MAST2: variants seen among roughly 807,000 people sequenced by gnomAD.
MAST2 encodes the protein microtubule-associated serine/threonine-protein kinase 2.
MAST2 carries 70 observed loss-of-function variants against 147.4 expected under a neutral mutation model. The observed-to-expected ratio is 0.47, with a 90% CI of 0.39 to 0.58. MAST2 has a LOEUF of 0.58. Among genes scored for constraint, MAST2 ranks in the 20% least tolerant of loss-of-function variants. The pLI is 0.00. For synonymous variants in MAST2, 869 were observed against 896.8 expected, an observed-to-expected ratio of 0.97 and a Z score of 0.55; for missense variants, 2,080 against 2,302.3, an observed-to-expected ratio of 0.90 and a Z score of 1.98.
At chr1:45,866,822 A>G (rs924975678) in intron 3 of MAST2, among the ~76,000 whole-genome samples, 5 of 151,794 alleles carry the variant, frequency 3.3e-5, no homozygotes, top group Non-Finnish European at 7.4e-5. Flanking sequence ...GGCTCATTGC[A>G]ACCTCTGCCT....
At chr1:45,867,715 C>T (rs562813845) in intron 3 of MAST2, among the ~76,000 whole-genome samples, 1 of 152,132 alleles carries the variant, frequency 6.6e-6, no homozygotes, top group Non-Finnish European at 1.5e-5. Context: ...TTTACAGATA[C>T]GTGAAGCTCA....
chr1:45,903,220 C>T (rs1650097368), intron 4 of MAST2, among the ~76,000 whole-genome samples: 1 of 142,508 alleles, frequency 7.0e-6, no homozygotes, highest in East Asian at 2.1e-4. Flanking sequence ...ACCTCTGCCT[C>T]CCAGGCTCAA....
chr1:45,958,574 C>A (rs2148903491), intron 4 of MAST2, among the ~76,000 whole-genome samples: 1 of 150,282 alleles, frequency 6.7e-6, no homozygotes. Context: ...CTCCCTCTTT[C>A]TGTTCTTTCT....
chr1:45,812,425 CT>C (rs35095652), intron 1 of MAST2, among the ~76,000 whole-genome samples: 30,128 of 121,614 alleles, frequency 0.25, 3,506 homozygotes, highest in South Asian at 0.33. Context: ...ATCTGTAAGC[CT>C]TTTTTTTTTT....
intron 4 of MAST2, among the ~76,000 whole-genome samples, chr1:45,907,463 C>CTTTTT (rs59039717): frequency 7.1e-6 from 1 of 140,896 alleles, no homozygotes; most frequent in East Asian, 2.0e-4. Flanking sequence ...GCCATTTTAA[C>CTTTTT]TTTTTTTTTT....
chr1:45,865,807 A>T (rs997139271), intron 3 of MAST2, among the ~76,000 whole-genome samples: 1 of 152,148 alleles, frequency 6.6e-6, no homozygotes, highest in Admixed American at 6.5e-5. Context: ...TTTGATGATT[A>T]TTTTTTTCAT....
chr1:45,944,952 A>G (rs545979450), intron 4 of MAST2, among the ~76,000 whole-genome samples: 3 of 152,302 alleles, frequency 2.0e-5, no homozygotes, highest in Non-Finnish European at 4.4e-5. Context: ...CTTTTTGAGT[A>G]TTTTAAGTGC....
At chr1:45,934,686 G>A (rs1310455805) in intron 4 of MAST2, among the ~76,000 whole-genome samples, 1 of 152,226 alleles carries the variant, frequency 6.6e-6, no homozygotes, top group Admixed American at 6.5e-5. Flanking sequence ...GCCTACCAAA[G>A]TGCTGGGATT....
intron 4 of MAST2, among the ~76,000 whole-genome samples, chr1:45,920,281 C>T (rs114065850): frequency 1.2e-3 from 185 of 152,268 alleles, no homozygotes; most frequent in African/African-American, 4.3e-3. Context: ...GAGTTCCCCT[C>T]TGTATATCTG....
At chr1:45,891,325 C>T (rs1047269190) in intron 4 of MAST2, among the ~76,000 whole-genome samples, 6 of 152,002 alleles carry the variant, frequency 3.9e-5, no homozygotes, top group Non-Finnish European at 8.8e-5. Flanking sequence ...GACCCTGTCT[C>T]TGCAAAAGTT....
At chr1:45,996,943 T>C (rs1462761109) in intron 5 of MAST2, among the ~76,000 whole-genome samples, 1 of 152,132 alleles carries the variant, frequency 6.6e-6, no homozygotes, top group Non-Finnish European at 1.5e-5. Context: ...GCATGGAGTA[T>C]GGTGCTTACT....
At chr1:45,989,659 G>A (rs555635107) in intron 5 of MAST2, among the ~76,000 whole-genome samples, 12 of 151,712 alleles carry the variant, frequency 7.9e-5, no homozygotes, top group Non-Finnish European at 1.5e-4. Flanking sequence ...TGACAAATGC[G>A]TAATGTCACG....
intron 7 of MAST2, among the ~76,000 whole-genome samples, chr1:46,004,361 C>CAA (rs60013733): frequency 7.9e-5 from 9 of 113,296 alleles, no homozygotes; most frequent in Non-Finnish European, 9.1e-5. Flanking sequence ...AAGACTATCT[C>CAA]AAAAAAAAAA....
At chr1:45,861,221 C>A (rs1046305713) in intron 3 of MAST2, among the ~76,000 whole-genome samples, 1 of 152,124 alleles carries the variant, frequency 6.6e-6, no homozygotes, top group Non-Finnish European at 1.5e-5. Flanking sequence ...CATTTTTGGT[C>A]AATTTATCTG....
intron 10 of MAST2, chr1:46,011,182 G>C: frequency 1.9e-6 from 1 of 520,324 alleles, no homozygotes; most frequent in Non-Finnish European, 3.4e-6. Context: ...ATATTACTTT[G>C]TTGTATTACG....
At chr1:45,931,383 T>TTG (rs1655275710) in intron 4 of MAST2, among the ~76,000 whole-genome samples, 1 of 147,106 alleles carries the variant, frequency 6.8e-6, no homozygotes, top group Non-Finnish European at 1.5e-5. Flanking sequence ...TTCTGTTTTT[T>TTG]TTTTTTTTTT....
chr1:46,016,928 T>C lies in MAST2; in HGVS notation c.1189-2668T>C, dbSNP rs889966184. 5.9e-5 allele frequency among the ~76,000 whole-genome samples: 9 copies of C among 151,574 alleles called. No homozygotes were observed. The South Asian group carries it at 1.1e-3, about 18-fold the overall frequency. On this transcript the variant is annotated intron_variant, in intron 10 of 28. Transcript: ENST00000361297. Reference sequence around the variant, plus strand: ...CATGCTACCTGACTTCAAACTATACTACAAGGCTACAGTAACCAAAACAGC... The same window carrying C: ...CATGCTACCTGACTTCAAACTATACCACAAGGCTACAGTAACCAAAACAGC...
In MAST2 at chr1:46,030,694, G is replaced by T; in HGVS notation, c.2641G>T (p.Asp881Tyr). 1.2e-6 allele frequency: 2 copies of T among 1,607,928 alleles called. No individual in the cohort carries two copies. Among genetic ancestry groups the T allele is most frequent in the Non-Finnish European group, 1.7e-6 (2 of 1,178,112 alleles). ...GCGCAGCCTGAGTGAGGAGAAGGAG[G>T]ACCATTCAGATGGCCTGGCAGGGCT... ...TKRSLSEEKE[D>Y]HSDGLAGLKG... The change falls in exon 22 of 29, where the codon GAC becomes TAC. Residue 881 changes from aspartate (D) to tyrosine (Y), a missense_variant. Asp to Tyr is a radical substitution (Grantham distance 160). Around this residue, in one of 4 missense-constraint regions of MAST2, gnomAD observed 1,278 missense variants for 1,304.2 expected, o/e 0.98. Coordinates refer to ENST00000361297, the MANE Select transcript of MAST2 (RefSeq NM_015112.3).
intron 4 of MAST2, among the ~76,000 whole-genome samples, chr1:45,905,118 T>C (rs1357745652): frequency 6.6e-6 from 1 of 151,886 alleles, no homozygotes; most frequent in Non-Finnish European, 1.5e-5. Context: ...GTCACAAAGT[T>C]ACTTTTGTTG....
Sources: allele counts gnomAD v4.1 joint callset (sites outside exome capture counted in the v4.1 genomes callset), GRCh38; gene constraint gnomAD v4.1.1; regional missense constraint gnomAD v4.1.1; transcripts MANE v1.5; gene names NCBI Gene and HGNC (gene_info 2026-07-23, HGNC 2026-07-21).